The following RAB22A variants were observed in gnomAD, a reference collection of about 807,000 sequenced individuals.
RAB22A encodes the protein RAB22A, member RAS oncogene family.
In RAB22A, 13 loss-of-function variants were observed where a neutral mutation model predicts 30.2. The ratio of observed to expected loss-of-function variants is 0.43; its 90% CI spans 0.28 to 0.68. The LOEUF (loss-of-function observed/expected upper bound fraction) is 0.68. Ranked by LOEUF, RAB22A falls within the 30% of genes least tolerant of loss-of-function variation. The pLI, the probability that RAB22A is intolerant of heterozygous loss-of-function variation, is 0.18. For missense variants in RAB22A, 177 were observed against 246.8 expected (o/e 0.72, Z 1.89); for synonymous variants, 89 against 87.2 (o/e 1.02, Z -0.11).
Position 58,367,388 on chromosome 20 carries a change from T to G in RAB22A, c.*7685T>G, listed in dbSNP as rs1017791353. Reference sequence around the variant, plus strand: ...GTTGATTTGCCATACTTTTAAATAATATTGTTTTAGCTTGAATATTCTATA... The same window carrying G: ...GTTGATTTGCCATACTTTTAAATAAGATTGTTTTAGCTTGAATATTCTATA... On this transcript the variant is annotated 3_prime_UTR_variant, in exon 7 of 7. Transcript: ENST00000244040. The G allele has an allele frequency of 6.6e-6, 1 of 152,650 alleles. No homozygotes were observed. Among genetic ancestry groups the G allele is most frequent in the Non-Finnish European group, 1.5e-5 (1 of 68,036 alleles). The allele number at this position is 152,650 out of a possible 1,614,324, so 9.5% of individuals were successfully genotyped here.
intron 2 of RAB22A, among the ~76,000 whole-genome samples, chr20:58,323,946 CAT>C (rs1986508405): frequency 6.6e-6 from 1 of 151,956 alleles, no homozygotes; most frequent in Admixed American, 6.5e-5. Flanking sequence ...TAGGTCAGGA[CAT>C]GTTATTTTTA....
intron 2 of RAB22A, among the ~76,000 whole-genome samples, chr20:58,339,686 T>C (rs1357181282): frequency 2.0e-5 from 3 of 152,158 alleles, no homozygotes; most frequent in Non-Finnish European, 4.4e-5. Context: ...AAGGCAGACA[T>C]AACGTTCTGT....
chr20:58,325,275 A>G lies in RAB22A; in HGVS notation c.116+14153A>G, dbSNP rs190854862. ...GGGCGGATCACAAGGTCAGGAGATC[A>G]AGGCCATCCTGGCCAACATGGTGAA... On this transcript the variant is annotated intron_variant, in intron 2 of 6. Coordinates refer to ENST00000244040, the MANE Select transcript of RAB22A (RefSeq NM_020673.3). 2.2e-3 allele frequency among the ~76,000 whole-genome samples: 340 copies of G among 152,030 alleles called. 1 individual carries two copies. Among genetic ancestry groups the G allele is most frequent in the African/African-American group, 7.7e-3 (319 of 41,456 alleles).
intron 2 of RAB22A, among the ~76,000 whole-genome samples, chr20:58,326,247 C>T (rs546495925): frequency 2.6e-5 from 4 of 152,152 alleles, no homozygotes; most frequent in Admixed American, 2.6e-4. Context: ...GTACCATCCA[C>T]CTTAATCAAA....
chr20:58,321,364 C>CA (rs969305503), intron 2 of RAB22A, among the ~76,000 whole-genome samples: 20 of 142,082 alleles, frequency 1.4e-4, no homozygotes, highest in Non-Finnish European at 1.1e-4. Context: ...AACTCCGTGT[C>CA]AAAAAAAAAA....
intron 2 of RAB22A, among the ~76,000 whole-genome samples, chr20:58,320,218 G>A (rs1443526257): frequency 6.6e-6 from 1 of 152,168 alleles, no homozygotes; most frequent in Non-Finnish European, 1.5e-5. Flanking sequence ...AACCATCTGA[G>A]CAGGGAGTTT....
chr20:58,350,386 C>T (rs769649279), intron 3 of RAB22A, among the ~76,000 whole-genome samples: 3 of 152,148 alleles, frequency 2.0e-5, no homozygotes, highest in Non-Finnish European at 4.4e-5. Flanking sequence ...AAAAAGATTT[C>T]AAGAAATAAT....
intron 6 of RAB22A, among the ~76,000 whole-genome samples, chr20:58,354,903 A>G (rs1987108091): frequency 6.6e-6 from 1 of 152,250 alleles, no homozygotes; most frequent in South Asian, 2.1e-4. Context: ...AGAGGGAAAC[A>G]GACAGTGAAC....
intron 2 of RAB22A, among the ~76,000 whole-genome samples, chr20:58,343,222 C>T (rs1287198190): frequency 2.0e-5 from 3 of 152,182 alleles, no homozygotes; most frequent in Non-Finnish European, 4.4e-5. Flanking sequence ...CTTCCTGCTC[C>T]TTGTTCAACA....
At chr20:58,340,963 T>C (rs1986845016) in intron 2 of RAB22A, among the ~76,000 whole-genome samples, 1 of 152,020 alleles carries the variant, frequency 6.6e-6, no homozygotes, top group Admixed American at 6.6e-5. Context: ...ATTTGAGACT[T>C]GAGACCAGTT....
intron 6 of RAB22A, among the ~76,000 whole-genome samples, chr20:58,358,786 T>C (rs1230640569): frequency 6.6e-6 from 1 of 151,580 alleles, no homozygotes; most frequent in Non-Finnish European, 1.5e-5. Flanking sequence ...TCCCAGCTAC[T>C]CGGGAGGCTG....
chr20:58,312,196 C>G (rs1001456431), intron 2 of RAB22A, among the ~76,000 whole-genome samples: 2 of 151,980 alleles, frequency 1.3e-5, no homozygotes, highest in African/African-American at 4.8e-5. Flanking sequence ...CTCAGGTGAT[C>G]TGCCCACCTC....
At chr20:58,336,227 G>A (rs1395486383) in intron 2 of RAB22A, among the ~76,000 whole-genome samples, 3 of 152,118 alleles carry the variant, frequency 2.0e-5, no homozygotes, top group Admixed American at 2.0e-4. Flanking sequence ...GGCCAGGCTG[G>A]TCTCGTACTC....
At chr20:58,313,480 C>G (rs1340768313) in intron 2 of RAB22A, among the ~76,000 whole-genome samples, 1 of 152,074 alleles carries the variant, frequency 6.6e-6, no homozygotes, top group African/African-American at 2.4e-5. Flanking sequence ...ACACAGGTTC[C>G]GAATCCACCC....
At chr20:58,320,222 G>A (rs1190498287) in intron 2 of RAB22A, among the ~76,000 whole-genome samples, 1 of 152,078 alleles carries the variant, frequency 6.6e-6, no homozygotes, top group Non-Finnish European at 1.5e-5. Flanking sequence ...ATCTGAGCAG[G>A]GAGTTTTCTT....
At chr20:58,335,743 T>G (rs1986739230) in intron 2 of RAB22A, among the ~76,000 whole-genome samples, 1 of 152,222 alleles carries the variant, frequency 6.6e-6, no homozygotes, top group Non-Finnish European at 1.5e-5. Flanking sequence ...CTGTATTACC[T>G]ATTTTAAAAA....
Position 58,353,523 on chromosome 20 carries a change from A to T in RAB22A, c.362A>T (p.Asp121Val). Residue 121 changes from aspartate to valine, a missense_variant, in exon 5 of 7, where the codon GAT becomes GTT. Coordinates refer to ENST00000244040, the MANE Select transcript of RAB22A (RefSeq NM_020673.3). ...IVVAIAGNKC[D>V]LIDVREVMER... ...GTTGCCATTGCAGGAAATAAATGTG[A>T]TCTTATCGATGTAAGGTAAGTTATT... is the stretch of plus-strand genomic sequence containing the variant. The T allele has an allele frequency of 6.2e-7, 1 of 1,601,934 alleles. No homozygotes were observed.
intron 2 of RAB22A, among the ~76,000 whole-genome samples, chr20:58,312,268 T>C (rs1268392123): frequency 6.6e-6 from 1 of 151,346 alleles, no homozygotes; most frequent in Admixed American, 6.6e-5. Context: ...GTGTTCAATA[T>C]TTTTTGTCTG....
rs1987224215 is a variant in RAB22A, at chr20:58,361,526, G to A, written c.*1823G>A. The A allele has an allele frequency of 6.6e-6, 1 of 152,034 alleles. No individual in the cohort carries two copies. The highest frequency in any genetic ancestry group is 1.5e-5 in the Non-Finnish European group (1 of 68,012). 9.4% of individuals were successfully genotyped at this position (152,034 alleles called of 1,614,324 possible). ...CCCCTAGGATTTTGCTTCCTCCCCG[G>A]TGCTAAATTAGCAAGCTCCTAGAGA... On this transcript the variant is annotated 3_prime_UTR_variant, in exon 7 of 7. Transcript: ENST00000244040.
Sources: gnomAD v4.1 joint callset for allele counts (sites outside exome capture counted in the v4.1 genomes callset) on GRCh38, gnomAD v4.1.1 for gene constraint, MANE v1.5 for transcripts, NCBI Gene and HGNC (gene_info 2026-07-23, HGNC 2026-07-21) for gene names.